The following IL1RAPL1 variants were observed in gnomAD, a reference collection of about 807,000 sequenced individuals.
The protein encoded by IL1RAPL1 is interleukin-1 receptor accessory protein-like 1.
IL1RAPL1 carries 3 observed loss-of-function variants against 48.4 expected under a neutral mutation model. The observed-to-expected ratio is 0.06, with a 90% confidence interval of 0.03 to 0.16. IL1RAPL1 has a LOEUF of 0.16. IL1RAPL1 is among the 10% of genes least tolerant of loss of function. The pLI is 1.00. For missense variants in IL1RAPL1, 349 were observed against 530.6 expected (o/e 0.66, Z 3.36); for synonymous variants, 185 against 187.7 (o/e 0.99, Z 0.12).
chrX:28,959,537 AT>A (rs749644513), intron 2 of IL1RAPL1, among the ~76,000 whole-genome samples: 12 of 111,987 alleles, frequency 1.1e-4, no homozygotes, highest in Non-Finnish European at 2.1e-4. Context: ...TGTAATTATA[AT>A]TCCAAATTAT....
chrX:29,723,878 G>A (rs1175608734), intron 6 of IL1RAPL1, among the ~76,000 whole-genome samples: 1 of 111,146 alleles, frequency 9.0e-6, no homozygotes, highest in African/African-American at 3.3e-5. Flanking sequence ...ACAGTGGTGT[G>A]ATCTGAGCTC....
chrX:29,740,732 T>A (rs1320019908), intron 6 of IL1RAPL1, among the ~76,000 whole-genome samples: 1 of 111,912 alleles, frequency 8.9e-6, no homozygotes, highest in African/African-American at 3.3e-5. Context: ...TAACTCAACA[T>A]TTTGCATATG....
At chrX:28,661,783 C>T (rs1934825390) in intron 1 of IL1RAPL1, among the ~76,000 whole-genome samples, 1 of 111,939 alleles carries the variant, frequency 8.9e-6, no homozygotes, top group Non-Finnish European at 1.9e-5. Flanking sequence ...TCAAAGAACA[C>T]TCTATATTCC....
chrX:28,756,486 C>G (rs1180086614), intron 1 of IL1RAPL1, among the ~76,000 whole-genome samples: 1 of 111,406 alleles, frequency 9.0e-6, no homozygotes, highest in Admixed American at 9.6e-5. Flanking sequence ...CTGTAACTTA[C>G]TGAGAATCTC....
At chrX:28,924,323 T>A (rs115545087) in intron 2 of IL1RAPL1, among the ~76,000 whole-genome samples, 1,671 of 112,353 alleles carry the variant, frequency 0.015, 28 homozygotes, top group African/African-American at 0.051. Flanking sequence ...AATAATTTTT[T>A]AAAGATTACA....
chrX:29,202,219 T>C (rs888428930), intron 2 of IL1RAPL1, among the ~76,000 whole-genome samples: 1 of 111,712 alleles, frequency 9.0e-6, no homozygotes, highest in African/African-American at 3.3e-5. Flanking sequence ...ACAGAAACTT[T>C]TCAATAGAAG....
chrX:28,620,676 G>T, intron 1 of IL1RAPL1, among the ~76,000 whole-genome samples: 1 of 111,784 alleles, frequency 8.9e-6, no homozygotes, highest in East Asian at 2.8e-4. Context: ...TTCATAGAGG[G>T]CTTAATCCTT....
intron 5 of IL1RAPL1, among the ~76,000 whole-genome samples, chrX:29,480,285 C>CATATATATATATATATATATAT (rs1180845228): frequency 3.5e-5 from 2 of 56,721 alleles, no homozygotes; most frequent in African/African-American, 2.1e-4. Context: ...TATACACACA[C>CATATATATATATATATATATAT]ATATACATAT....
intron 5 of IL1RAPL1, among the ~76,000 whole-genome samples, chrX:29,632,554 G>A (rs887091280): frequency 8.9e-6 from 1 of 111,739 alleles, no homozygotes; most frequent in African/African-American, 3.3e-5. Context: ...AATGTTTTAT[G>A]TTCATAAGAT....
chrX:28,846,515 G>A (rs1320825146), intron 2 of IL1RAPL1, among the ~76,000 whole-genome samples: 3 of 111,655 alleles, frequency 2.7e-5, no homozygotes, highest in Non-Finnish European at 5.7e-5. Context: ...GTCTTTTAGT[G>A]TGGCTGTACT....
intron 2 of IL1RAPL1, among the ~76,000 whole-genome samples, chrX:29,130,897 A>G (rs1332620973): frequency 8.9e-6 from 1 of 112,490 alleles, no homozygotes. Flanking sequence ...ATGTGAAAGC[A>G]TTCATAATAC....
intron 6 of IL1RAPL1, among the ~76,000 whole-genome samples, chrX:29,865,101 T>C (rs1931663785): frequency 8.9e-6 from 1 of 111,917 alleles, no homozygotes; most frequent in African/African-American, 3.2e-5. Flanking sequence ...AAATGCTGTG[T>C]GATTATTTTT....
At chrX:28,866,811 T>G (rs1305596241) in intron 2 of IL1RAPL1, among the ~76,000 whole-genome samples, 2 of 112,042 alleles carry the variant, frequency 1.8e-5, no homozygotes, top group African/African-American at 6.5e-5. Flanking sequence ...AGTACCACTC[T>G]AGAGAGTTAT....
chrX:29,906,504 TA>T (rs1156642674), intron 6 of IL1RAPL1, among the ~76,000 whole-genome samples: 1 of 56,973 alleles, frequency 1.8e-5, no homozygotes, highest in Non-Finnish European at 3.1e-5. Context: ...TATATATATA[TA>T]TATATATATA....
At chrX:29,337,145 T>C (rs1394160292) in intron 3 of IL1RAPL1, among the ~76,000 whole-genome samples, 5 of 111,865 alleles carry the variant, frequency 4.5e-5, no homozygotes, top group Non-Finnish European at 9.4e-5. Flanking sequence ...CCTTTTATTA[T>C]AAAATGGCTT....
intron 5 of IL1RAPL1, among the ~76,000 whole-genome samples, chrX:29,401,281 A>T (rs1213533535): frequency 9.0e-6 from 1 of 111,719 alleles, no homozygotes; most frequent in African/African-American, 3.3e-5. Flanking sequence ...TGAGACAATG[A>T]TTTGGGCAAA....
At chrX:29,803,191 GTATACATATACACACA>G (rs1930082305) in intron 6 of IL1RAPL1, among the ~76,000 whole-genome samples, 2 of 23,602 alleles carry the variant, frequency 8.5e-5, no homozygotes, top group African/African-American at 1.8e-4. Context: ...ATGTATATAT[GTATACATATACACACA>G]TGTATATATG....
intron 1 of IL1RAPL1, among the ~76,000 whole-genome samples, chrX:28,750,407 A>G (rs1435631619): frequency 8.9e-6 from 1 of 111,826 alleles, no homozygotes; most frequent in African/African-American, 3.2e-5. Context: ...TGACTGAATT[A>G]GTCACTCCTT....
chrX:29,603,179 T>C (rs908303140), intron 5 of IL1RAPL1, among the ~76,000 whole-genome samples: 2 of 107,073 alleles, frequency 1.9e-5, no homozygotes, highest in African/African-American at 6.9e-5. Context: ...GGCAGGAGAA[T>C]CACTTGAACC....
Sources: allele counts gnomAD v4.1 joint callset (sites outside exome capture counted in the v4.1 genomes callset), GRCh38; gene constraint gnomAD v4.1.1; transcripts MANE v1.5; gene names NCBI Gene and HGNC (gene_info 2026-07-23, HGNC 2026-07-21).